ESYT2: variants seen among roughly 807,000 people sequenced by gnomAD.
The protein encoded by ESYT2 is extended synaptotagmin-2.
In ESYT2, 54 loss-of-function variants were observed where a neutral mutation model predicts 107.2. The ratio of observed to expected loss-of-function variants is 0.50; its 90% CI spans 0.40 to 0.63. ESYT2 has a LOEUF of 0.63. ESYT2 is among the 30% of genes least tolerant of loss of function. The probability of loss-of-function intolerance (pLI) is 0.00; values close to 1 mark genes in which losing one functional copy is unlikely to be tolerated. For synonymous variants in ESYT2, 491 were observed against 434.1 expected (o/e 1.13, Z -1.63); for missense variants, 1,020 against 1,094.5 (o/e 0.93, Z 0.96).
At chr7:158,790,508 G>A (rs1278600830) in intron 4 of ESYT2, among the ~76,000 whole-genome samples, 8 of 152,198 alleles carry the variant, frequency 5.3e-5, no homozygotes, top group African/African-American at 1.7e-4. Context: ...CCTCCAGCCC[G>A]GGTGACAGAG....
At chr7:158,760,186 C>G in intron 11 of ESYT2, 39 bp from the exon 12 acceptor site, 2 of 1,585,992 alleles carry the variant, frequency 1.3e-6, no homozygotes, top group Non-Finnish European at 1.7e-6. Context: ...AAAAGTTCTT[C>G]TGAATCAAAA....
intron 16 of ESYT2, among the ~76,000 whole-genome samples, chr7:158,746,734 C>T (rs1344510620): frequency 6.6e-6 from 1 of 152,028 alleles, no homozygotes; most frequent in African/African-American, 2.4e-5. Context: ...AACTACACAG[C>T]CATATTAAGA....
intron 17 of ESYT2, among the ~76,000 whole-genome samples, chr7:158,742,763 G>A (rs546657375): frequency 1.3e-5 from 2 of 152,334 alleles, no homozygotes; most frequent in South Asian, 2.1e-4. Flanking sequence ...ATAACGCTGC[G>A]GTGAACATCT....
intron 8 of ESYT2, 98 bp from the exon 9 acceptor site, chr7:158,764,951 G>A: frequency 1.6e-6 from 2 of 1,229,668 alleles, no homozygotes; most frequent in African/African-American, 1.5e-5. Context: ...AGAATTGGGA[G>A]TGCCGAGGGA....
At chr7:158,739,418 C>T (rs1837107609) in intron 18 of ESYT2, among the ~76,000 whole-genome samples, 1 of 152,186 alleles carries the variant, frequency 6.6e-6, no homozygotes, top group African/African-American at 2.4e-5. Flanking sequence ...GCAATCTTGG[C>T]TCACTGTAAC....
Position 158,782,122 on chromosome 7 carries a change from T to C in ESYT2, c.747+5882A>G, listed in dbSNP as rs967865133. Among the ~76,000 whole-genome samples, 3 of 122,006 alleles carry C rather than the reference T, an allele frequency of 2.5e-5. No homozygotes were observed. In the Admixed American group the frequency reaches 2.8e-4, roughly 11 times the overall value. The allele number at this position is 122,006 out of a possible 152,430, so 80.0% of individuals were successfully genotyped here. ...ACGACAACAAAGTGTGAGGTGTGAG[T>C]GTAAGAACGAGAACAAGTGAGTGAA... On this transcript the variant is annotated intron_variant, in intron 6 of 22. Transcript: ENST00000275418.
At chr7:158,756,267 C>G (rs1462594001) in intron 13 of ESYT2, among the ~76,000 whole-genome samples, 3 of 152,134 alleles carry the variant, frequency 2.0e-5, no homozygotes, top group African/African-American at 7.2e-5. Context: ...GCTGTGGCCC[C>G]CTGTGGCCCT....
chr7:158,806,633 G>C (rs1380954976), intron 1 of ESYT2, among the ~76,000 whole-genome samples: 1 of 152,178 alleles, frequency 6.6e-6, no homozygotes, highest in Non-Finnish European at 1.5e-5. Context: ...ATTTTTCAAA[G>C]ATTTGAAGCA....
intron 1 of ESYT2, among the ~76,000 whole-genome samples, chr7:158,818,480 A>G (rs1176951580): frequency 6.6e-6 from 1 of 152,262 alleles, no homozygotes; most frequent in African/African-American, 2.4e-5. Flanking sequence ...ACGGTGGAAC[A>G]GAAACAAAGA....
intron 4 of ESYT2, among the ~76,000 whole-genome samples, chr7:158,790,453 GAAGGAC>G (rs1160465127): frequency 6.8e-6 from 1 of 146,276 alleles, no homozygotes; most frequent in Admixed American, 7.2e-5. Context: ...GAATGAGGAT[GAAGGAC>G]AAGAGAAGCC....
Position 158,760,066 on chromosome 7 carries a change from G to T in ESYT2, c.1315C>A (p.Leu439Ile). The change falls in exon 12 of 23, where the codon CTC (leucine) becomes ATC (isoleucine). Residue 439 changes from leucine to isoleucine, a missense_variant. Coordinates refer to ENST00000275418, the MANE Select transcript of ESYT2 (RefSeq NM_001367773.1). ...WLTLMPNASN[L>I]DKVLTDIKAD... ...ACATGCTTCAACAGCACCTTGTCGA[G>T]GTTTGACGCATTTGGCATTAACGTG... is the stretch of plus-strand genomic sequence containing the variant. 1 of 1,614,174 alleles carries T rather than the reference G, an allele frequency of 6.2e-7. No individual in the cohort carries two copies. The highest frequency in any genetic ancestry group is 8.5e-7 in the Non-Finnish European group (1 of 1,180,022).
At chr7:158,808,524 C>T (rs1839899472) in intron 1 of ESYT2, among the ~76,000 whole-genome samples, 1 of 152,226 alleles carries the variant, frequency 6.6e-6, no homozygotes, top group African/African-American at 2.4e-5. Flanking sequence ...AAGTTCTCGA[C>T]TTACTAAGTA....
chr7:158,764,323 C>T (rs923571550), intron 9 of ESYT2, among the ~76,000 whole-genome samples: 20 of 152,138 alleles, frequency 1.3e-4, no homozygotes, highest in African/African-American at 4.6e-4. Flanking sequence ...AAAAAGCTTG[C>T]AAGGAGGTAT....
At chr7:158,750,119 T>C (rs1039895041) in intron 14 of ESYT2, among the ~76,000 whole-genome samples, 8 of 152,182 alleles carry the variant, frequency 5.3e-5, no homozygotes, top group Non-Finnish European at 1.0e-4. Context: ...ATTCAGAATA[T>C]TTCTCTGGCG....
chr7:158,814,012 C>T (rs1053123350), intron 1 of ESYT2, among the ~76,000 whole-genome samples: 1 of 151,816 alleles, frequency 6.6e-6, no homozygotes, highest in Non-Finnish European at 1.5e-5. Context: ...CGGTGGCTAA[C>T]GCTGTGATCC....
rs1294243528 is a variant in ESYT2 at position 158,739,097 on chromosome 7, T to C, written c.2193A>G (p.Pro731=). The C allele has an allele frequency of 2.5e-6, 4 of 1,614,000 alleles. No homozygotes were observed. Among genetic ancestry groups the C allele is most frequent in the African/African-American group, 1.3e-5 (1 of 74,922 alleles). The change falls in exon 19 of 23, where the codon CCA becomes CCG. Residue 731 remains proline (P), a synonymous_variant. Coordinates refer to ENST00000275418, the MANE Select transcript of ESYT2 (RefSeq NM_001367773.1). ...GGATGGTCAGCTGGATCTGCCCCAG[T>C]GGAGACTGTCCCAGGGTCGTCCCGC... is the stretch of plus-strand genomic sequence containing the variant. ...LENGTTLGQS[P]LGQIQLTIRH...
intron 2 of ESYT2, 99 bp downstream of exon 2, chr7:158,798,932 G>C (rs567855312): frequency 1.6e-6 from 2 of 1,228,236 alleles, no homozygotes; most frequent in African/African-American, 3.0e-5. Context: ...GTCCAAACGA[G>C]CTCAAATATT....
At chr7:158,818,620 G>A (rs1840209044) in intron 1 of ESYT2, among the ~76,000 whole-genome samples, 1 of 152,224 alleles carries the variant, frequency 6.6e-6, no homozygotes, top group East Asian at 1.9e-4. Flanking sequence ...GACTCAGACG[G>A]CTGACCCGAG....
intron 1 of ESYT2, among the ~76,000 whole-genome samples, chr7:158,808,704 CT>C (rs959347752): frequency 6.6e-6 from 1 of 151,732 alleles, no homozygotes; most frequent in African/African-American, 2.4e-5. Flanking sequence ...AATCCCAGGA[CT>C]TTGCCTGTAA....
Sources: gnomAD v4.1 joint callset for allele counts (sites outside exome capture counted in the v4.1 genomes callset) on GRCh38, gnomAD v4.1.1 for gene constraint, MANE v1.5 for transcripts, NCBI Gene and HGNC (gene_info 2026-07-23, HGNC 2026-07-21) for gene names.